The following PDE3B variants were observed in gnomAD, a reference collection of about 807,000 sequenced individuals.
PDE3B encodes the protein cGMP-inhibited 3',5'-cyclic phosphodiesterase 3B.
PDE3B carries 66 observed loss-of-function variants against 116.8 expected under a neutral mutation model. The observed-to-expected ratio is 0.56, with a 90% CI of 0.46 to 0.69. The LOEUF (loss-of-function observed/expected upper bound fraction) is 0.69. PDE3B is among the 30% of genes least tolerant of loss of function. The pLI, the probability that PDE3B is intolerant of heterozygous loss-of-function variation, is 0.00. For synonymous variants in PDE3B, 595 were observed against 533.6 expected (o/e 1.12, Z -1.59); for missense variants, 1,384 against 1,368.1 (o/e 1.01, Z -0.18).
At chr11:14,867,311 TGTGAGAATAAA>T (rs1409541606) in intron 14 of PDE3B, among the ~76,000 whole-genome samples, 184 bp from the exon 15 acceptor site, 2 of 152,226 alleles carry the variant, frequency 1.3e-5, no homozygotes, top group African/African-American at 2.4e-5. Flanking sequence ...GTGAACAGAA[TGTGAGAATAAA>T]GTTTTGTTTA....
chr11:14,689,903 T>A (rs754197567), intron 1 of PDE3B, among the ~76,000 whole-genome samples: 26 of 152,196 alleles, frequency 1.7e-4, no homozygotes, highest in Non-Finnish European at 3.4e-4. Flanking sequence ...CTTACCCTCA[T>A]GTCATATGGC....
chr11:14,880,137 T>C, the PDE3B span: 1 of 1,612,532 alleles, frequency 6.2e-7, no homozygotes, highest in Non-Finnish European at 8.5e-7. Context: ...AATCCTCACC[T>C]TGAATATTAG....
intron 11 of PDE3B, among the ~76,000 whole-genome samples, chr11:14,839,434 A>G (rs192960777): frequency 1.8e-3 from 270 of 152,342 alleles, no homozygotes; most frequent in Middle Eastern, 3.4e-3. Flanking sequence ...ATTGCTGTTC[A>G]ACTTAATTAT....
chr11:14,860,422 C>G (rs1220156967), intron 13 of PDE3B, among the ~76,000 whole-genome samples: 2 of 151,916 alleles, frequency 1.3e-5, no homozygotes, highest in East Asian at 3.9e-4. Flanking sequence ...AACCATCACA[C>G]TGAAGTTCAA....
intron 10 of PDE3B, among the ~76,000 whole-genome samples, chr11:14,833,243 G>A (rs762742372): frequency 9.2e-5 from 14 of 152,066 alleles, no homozygotes; most frequent in Admixed American, 2.0e-4. Context: ...GTCAGCTGCC[G>A]CGCCTGGCCT....
chr11:14,891,656 A>G, the PDE3B span: 5 of 1,157,714 alleles, frequency 4.3e-6, no homozygotes, highest in East Asian at 1.2e-4. Context: ...CCTGGACCTG[A>G]AGTGGCGGCG....
At chr11:14,671,988 G>A (rs1047221193) in intron 1 of PDE3B, among the ~76,000 whole-genome samples, 1 of 146,108 alleles carries the variant, frequency 6.8e-6, no homozygotes, top group African/African-American at 2.6e-5. Context: ...CTGTACTCCA[G>A]CCTGGGTGAC....
chr11:14,754,217 T>C (rs1402990403), intron 1 of PDE3B, among the ~76,000 whole-genome samples: 1 of 152,114 alleles, frequency 6.6e-6, no homozygotes. Context: ...GGGAATTAAA[T>C]ATTTAAATAA....
At position 14,819,221 on chromosome 11, in the gene PDE3B, A is replaced by C. The variant is rs763141407; in HGVS notation, c.1807+12A>C. 1 of 1,530,616 alleles carries C rather than the reference A, an allele frequency of 6.5e-7. No homozygotes were observed. The highest frequency in any genetic ancestry group is 1.2e-5 in the South Asian group (1 of 86,464). The allele number at this position is 1,530,616 out of a possible 1,614,324, so 94.8% of individuals were successfully genotyped here. On this transcript the variant is annotated intron_variant, in intron 7 of 15. Transcript: ENST00000282096. The stretch of plus-strand genomic sequence containing the variant: ...CAGTGGAAAATCAGGTGAGATTACA[A>C]AAGTCATATGTATTTGAGTTTAAGA...
chr11:14,864,691 G>C (rs1160338788), intron 14 of PDE3B, among the ~76,000 whole-genome samples: 2 of 152,136 alleles, frequency 1.3e-5, no homozygotes, highest in African/African-American at 4.8e-5. Flanking sequence ...ACTTGCTCCT[G>C]AATGACTACT....
At chr11:14,765,033 G>A (rs1213995426) in intron 1 of PDE3B, among the ~76,000 whole-genome samples, 1 of 151,688 alleles carries the variant, frequency 6.6e-6, no homozygotes, top group Non-Finnish European at 1.5e-5. Flanking sequence ...ATTTATGTTC[G>A]CTAAACACAC....
intron 1 of PDE3B, among the ~76,000 whole-genome samples, chr11:14,766,572 T>C (rs998066834): frequency 6.6e-6 from 1 of 151,716 alleles, no homozygotes; most frequent in Non-Finnish European, 1.5e-5. Flanking sequence ...ATACTCTGTA[T>C]CCAAAAATTG....
At chr11:14,702,278 T>C (rs1253653234) in intron 1 of PDE3B, among the ~76,000 whole-genome samples, 1 of 151,850 alleles carries the variant, frequency 6.6e-6, no homozygotes, top group East Asian at 1.9e-4. Context: ...CAACATCTAT[T>C]CTTATTTTTC....
intron 2 of PDE3B, 76 bp downstream of exon 2, chr11:14,772,063 T>C: frequency 1.5e-6 from 1 of 684,848 alleles, no homozygotes; most frequent in Non-Finnish European, 2.5e-6. Context: ...GATGCAACTT[T>C]TGACACTTAA....
At chr11:14,828,174 A>C (rs972465187) in intron 7 of PDE3B, among the ~76,000 whole-genome samples, 1 of 152,230 alleles carries the variant, frequency 6.6e-6, no homozygotes, top group Admixed American at 6.5e-5. Context: ...TCAACTAAAG[A>C]TGGTTTAAAG....
chr11:14,776,909 A>T (rs2133903642), intron 2 of PDE3B, among the ~76,000 whole-genome samples: 1 of 152,180 alleles, frequency 6.6e-6, no homozygotes. Flanking sequence ...TTGAATAAGA[A>T]AAAGGAATGA....
rs543778547 is a variant in PDE3B at position 14,737,142 on chromosome 11, A to G, written c.979-34795A>G. Among the ~76,000 whole-genome samples the G allele has an allele frequency of 3.9e-5, 6 of 152,360 alleles. No homozygotes were observed. In the South Asian group the frequency reaches 1.2e-3, roughly 32 times the overall value. On this transcript the variant is annotated intron_variant, in intron 1 of 15. Transcript: ENST00000282096. ...CATTTAGAACGAAATGTGATACATA[A>G]AAAGCACAATGTCAGTGATAGATAA...
chr11:14,838,023 G>T (rs1217382912), intron 11 of PDE3B, among the ~76,000 whole-genome samples: 1 of 151,324 alleles, frequency 6.6e-6, no homozygotes, highest in African/African-American at 2.4e-5. Flanking sequence ...TTGTCGCCCA[G>T]GCTGGAGTGC....
intron 1 of PDE3B, chr11:14,674,051 C>T: frequency 6.6e-7 from 1 of 1,521,580 alleles, no homozygotes; most frequent in Admixed American, 1.7e-5. Flanking sequence ...CAGTCATCAA[C>T]AAGCCACAGT....
Sources: allele counts gnomAD v4.1 joint callset (sites outside exome capture counted in the v4.1 genomes callset), GRCh38; gene constraint gnomAD v4.1.1; transcripts MANE v1.5; gene names NCBI Gene and HGNC (gene_info 2026-07-23, HGNC 2026-07-21).